ZIC3: variants seen among roughly 807,000 people sequenced by gnomAD.
ZIC3 encodes Zic family zinc finger 3, also known as zinc finger protein ZIC 3.
In ZIC3, 6 loss-of-function variants were observed where a neutral mutation model predicts 18.3. The observed-to-expected ratio is 0.33, with a 90% CI of 0.18 to 0.65. The LOEUF (loss-of-function observed/expected upper bound fraction) is 0.65, where lower values mean the gene tolerates loss of function less well. ZIC3 is among the 30% of genes least tolerant of loss of function. The pLI is 0.75. For missense variants in ZIC3, 260 were observed against 410.0 expected (o/e 0.63, Z 3.16); for synonymous variants, 175 against 177.0 (o/e 0.99, Z 0.09).
Position 137,567,530 on chromosome X carries a change from C to T in ZIC3, c.839C>T (p.Thr280Ile). The T allele has an allele frequency of 8.2e-7, 1 of 1,212,184 alleles. No individual in the cohort carries two copies. Residue 280 changes from threonine to isoleucine, a missense_variant, in exon 1 of 3, where the codon ACA becomes ATA. By Grantham distance (89) the Thr-to-Ile change is moderately conservative (BLOSUM62 -1). Coordinates refer to ENST00000287538, the MANE Select transcript of ZIC3 (RefSeq NM_003413.4). The stretch of plus-strand genomic sequence containing the variant: ...TTCAGCACCATGCATGAGCTGGTGA[C>T]ACATGTCACCATGGAGCATGTGGGG... ...RTFSTMHELV[T>I]HVTMEHVGGP...
rs1931342229 is a variant in ZIC3, at chrX:137,566,528, C to T, written c.-164C>T. The T allele has an allele frequency of 1.4e-5, 11 of 779,924 alleles. No homozygotes were observed. The highest frequency in any genetic ancestry group is 5.5e-5 in the East Asian group (1 of 18,229). The allele number at this position is 779,924 out of a possible 1,213,427, so 64.3% of individuals were successfully genotyped here. On this transcript the variant is annotated 5_prime_UTR_variant, in exon 1 of 3. Transcript: ENST00000287538. ...CCCTCCTATCCCTCTGCAGGAGACT[C>T]TTGCAGTGACGGAAAGTTGCAGCCC...
chrX:137,568,443 C>G (rs1194311688), intron 1 of ZIC3, among the ~76,000 whole-genome samples: 1 of 111,267 alleles, frequency 9.0e-6, no homozygotes, highest in Non-Finnish European at 1.9e-5. Flanking sequence ...CGGGCTTAGC[C>G]AAACCGCTGC....
intron 2 of ZIC3, 53 bp downstream of exon 2, chrX:137,569,118 C>G: frequency 1.7e-6 from 2 of 1,179,134 alleles, no homozygotes; most frequent in African/African-American, 1.8e-5. Flanking sequence ...GGCCCGACGC[C>G]GGGCCGCGGA....
chrX:137,573,226 G>A (rs752389832), downstream of ZIC3, among the ~76,000 whole-genome samples: 6 of 107,134 alleles, frequency 5.6e-5, no homozygotes, highest in Admixed American at 1.0e-4. Context: ...GAATCAACTT[G>A]TTACTTTCCC....
At chrX:137,573,245 C>G (rs1158144358), downstream of ZIC3, among the ~76,000 whole-genome samples, 1 of 110,456 alleles carries the variant, frequency 9.1e-6, no homozygotes, top group African/African-American at 3.3e-5. Flanking sequence ...CCTCTTGCAC[C>G]TTGTAAGATC....
At chrX:137,574,108 G>GCC (rs1931479530), downstream of ZIC3, 1 of 113,425 alleles carries the variant, frequency 8.8e-6, no homozygotes, top group Non-Finnish European at 1.9e-5. Flanking sequence ...GTCAATACGA[G>GCC]CCCAAACAAT....
intron 1 of ZIC3, among the ~76,000 whole-genome samples, chrX:137,568,331 GATCGATCGATCTATCTATCTATCTATCT>G (rs968088338): frequency 1.7e-5 from 1 of 59,727 alleles, no homozygotes; most frequent in African/African-American, 6.2e-5. Flanking sequence ...GAGCCCCCTG[GATCGATCGATCTATCTATCTATCTATCT>G]ATCTATCTAT....
At chrX:137,568,167 CT>C (rs1411214700) in intron 1 of ZIC3, among the ~76,000 whole-genome samples, 2 of 112,114 alleles carry the variant, frequency 1.8e-5, no homozygotes, top group African/African-American at 6.5e-5. Context: ...GTTACTTCCG[CT>C]TTTTTTTACA....
rs761644167 is a variant in ZIC3, at chrX:137,567,274, C to T, written c.583C>T (p.Arg195Cys). The T allele has an allele frequency of 5.0e-6, 6 of 1,210,040 alleles. No individual in the cohort carries two copies. The East Asian group carries it at 1.2e-4, about 24-fold the overall frequency. ...GGGGCTGCGTGGGGAGCTGTTCGGC[C>T]GTGCTGACCCATACCGCCCAGTGGC... is the stretch of plus-strand genomic sequence containing the variant. ...HLGLRGELFG[R>C]ADPYRPVASP... The change falls in exon 1 of 3, where the codon CGT (arginine) becomes TGT (cysteine). Residue 195 changes from arginine to cysteine, a missense_variant. Coordinates refer to ENST00000287538, the MANE Select transcript of ZIC3 (RefSeq NM_003413.4).
chrX:137,577,031 A>G (rs1475291301), downstream of ZIC3: 7 of 440,229 alleles, frequency 1.6e-5, no homozygotes, highest in Non-Finnish European at 2.9e-5. Context: ...TTAAAACAAC[A>G]TATTCATGTG....
In ZIC3 at chrX:137,570,451, G is replaced by A. The variant is rs1426730326; in HGVS notation, c.*381G>A. ...GTTAAACTGATGGAAATTCTTTTTCGCCTTAGTGGTGATTGTTTAAACTCT... is the reference window on the plus strand; with the variant it reads ...GTTAAACTGATGGAAATTCTTTTTCACCTTAGTGGTGATTGTTTAAACTCT... On this transcript the variant is annotated 3_prime_UTR_variant, in exon 3 of 3. Transcript: ENST00000287538. 5 of 221,169 alleles carry A rather than the reference G, an allele frequency of 2.3e-5. No individual in the cohort carries two copies. Among genetic ancestry groups the A allele is most frequent in the East Asian group, 1.2e-4 (1 of 8,682 alleles). The allele number at this position is 221,169 out of a possible 1,213,427, so 18.2% of individuals were successfully genotyped here.
At position 137,567,621 on chromosome X, in the gene ZIC3, G is replaced by A; in HGVS notation, c.930G>A (p.Lys310=). 8.2e-7 allele frequency: 1 copy of A among 1,212,565 alleles called. No individual in the cohort carries two copies. The highest frequency in any genetic ancestry group is 1.1e-6 in the Non-Finnish European group (1 of 895,690). ...EECPREGKSF[K]AKYKLVNHIR... Reference sequence around the variant, plus strand: ...GCCCCCGGGAGGGCAAGTCTTTCAAGGCGAAGTACAAACTGGTCAACCACA... The same window carrying A: ...GCCCCCGGGAGGGCAAGTCTTTCAAAGCGAAGTACAAACTGGTCAACCACA... The change falls in exon 1 of 3, where the codon AAG becomes AAA. Residue 310 remains lysine, a synonymous_variant. Coordinates refer to ENST00000287538, the MANE Select transcript of ZIC3 (RefSeq NM_003413.4).
At position 137,567,344 on chromosome X, in the gene ZIC3, A is replaced by G. The variant is rs1653458762; in HGVS notation, c.653A>G (p.Asn218Ser). 1.2e-5 allele frequency: 14 copies of G among 1,211,108 alleles called. No individual in the cohort carries two copies. The highest frequency in any genetic ancestry group is 1.6e-5 in the Non-Finnish European group (14 of 895,462). Residue 218 changes from asparagine to serine, a missense_variant, in exon 1 of 3, where the codon AAC (asparagine) becomes AGC (serine). Coordinates refer to ENST00000287538, the MANE Select transcript of ZIC3 (RefSeq NM_003413.4). Reference sequence around the variant, plus strand: ...TACGCGGCCGGCGCTCAGTTTCCTAACTACAGCCCCATGAACATGAACATG... The same window carrying G: ...TACGCGGCCGGCGCTCAGTTTCCTAGCTACAGCCCCATGAACATGAACATG... ...DPYAAGAQFP[N>S]YSPMNMNMGV... is the part of the protein sequence containing the mutation.
chrX:137,573,837 C>G (rs1359470794), downstream of ZIC3: 1 of 112,691 alleles, frequency 8.9e-6, no homozygotes, highest in African/African-American at 3.2e-5. Flanking sequence ...TCGGGGCTCC[C>G]AGGGTCCCTG....
downstream of ZIC3, chrX:137,573,688 T>A (rs1289806265): frequency 8.8e-6 from 1 of 113,244 alleles, no homozygotes; most frequent in Non-Finnish European, 1.9e-5. Flanking sequence ...TCTTGGCACC[T>A]AGACTGCTTT....
exon 3 of ZIC3, chrX:137,577,154 A>C (rs1392822888): frequency 3.8e-6 from 2 of 522,513 alleles, no homozygotes; most frequent in Non-Finnish European, 7.0e-6. Flanking sequence ...GACAGTCTCT[A>C]ATTCCTGACG....
At chrX:137,567,896 C>T in intron 1 of ZIC3, 145 bp downstream of exon 1, 1 of 1,022,182 alleles carries the variant, frequency 9.8e-7, no homozygotes, top group Non-Finnish European at 1.3e-6. Flanking sequence ...CTGTCAGTGA[C>T]CATCCACCCC....
chrX:137,568,330 GGATCGATC>G (rs199895925), intron 1 of ZIC3, among the ~76,000 whole-genome samples: 2,289 of 100,221 alleles, frequency 0.023, 33 homozygotes, highest in South Asian at 0.072. Context: ...GGAGCCCCCT[GGATCGATC>G]GATCTATCTA....
rs529515809 is a variant in ZIC3 at position 137,566,264 on chromosome X, C to T, written c.-428C>T. 69 of 173,197 alleles carry T rather than the reference C, an allele frequency of 4.0e-4. 1 individual carries two copies. Among genetic ancestry groups the T allele is most frequent in the African/African-American group, 2.0e-3 (65 of 32,750 alleles). The allele number at this position is 173,197 out of a possible 1,213,427, so 14.3% of individuals were successfully genotyped here. ...GCCGGCTCCGCCACTTGGCGCAGCC[C>T]AGCCCGGAGGCCGGTACCCAGGGAG... On this transcript the variant is annotated 5_prime_UTR_variant, in exon 1 of 3. Coordinates refer to ENST00000287538, the MANE Select transcript of ZIC3 (RefSeq NM_003413.4).
Sources: gnomAD v4.1 joint callset for allele counts (sites outside exome capture counted in the v4.1 genomes callset) on GRCh38, gnomAD v4.1.1 for gene constraint, MANE v1.5 for transcripts, NCBI Gene and HGNC (gene_info 2026-07-23, HGNC 2026-07-21) for gene names.